SCARB2: variants seen among roughly 807,000 people sequenced by gnomAD.
SCARB2 encodes the protein scavenger receptor class B member 2.
In SCARB2, 29 loss-of-function variants were observed where a neutral mutation model predicts 58.6. The observed-to-expected ratio is 0.49, with a 90% CI of 0.37 to 0.67. SCARB2 has a LOEUF of 0.67. Among genes scored for constraint, SCARB2 ranks in the 30% least tolerant of loss-of-function variants. The probability of loss-of-function intolerance (pLI) is 0.00; values close to 1 mark genes in which losing one functional copy is unlikely to be tolerated. For missense variants in SCARB2, 488 were observed against 578.5 expected, an observed-to-expected ratio of 0.84 and a Z score of 1.60; for synonymous variants, 195 against 210.1, an observed-to-expected ratio of 0.93 and a Z score of 0.62.
At chr4:76,217,771 T>C, upstream of SCARB2, 1 of 424,940 alleles carries the variant, frequency 2.4e-6, no homozygotes, top group Middle Eastern at 3.0e-4. Flanking sequence ...GATCTCTCTA[T>C]ACCTAAAATC....
At position 76,161,754 on chromosome 4, in the gene SCARB2, G is replaced by C. The variant is rs747551967; in HGVS notation, c.1399-3C>G. ...GGTGCTCTTTCATCCGCTGTTCCCT[G>C]AAACACAGAAGAGAGAAAACAAGTT... On this transcript the variant is annotated splice_region_variant and splice_polypyrimidine_tract_variant and intron_variant, in intron 11 of 11. Coordinates refer to ENST00000264896, the MANE Select transcript of SCARB2 (RefSeq NM_005506.4). 1 of 1,614,098 alleles carries C rather than the reference G, an allele frequency of 6.2e-7. No homozygotes were observed. Among genetic ancestry groups the C allele is most frequent in the Non-Finnish European group, 8.5e-7 (1 of 1,179,984 alleles).
At chr4:76,202,521 A>G (rs1423785563) in intron 1 of SCARB2, among the ~76,000 whole-genome samples, 2 of 152,180 alleles carry the variant, frequency 1.3e-5, no homozygotes, top group Non-Finnish European at 2.9e-5. Flanking sequence ...TCAGCCTCCC[A>G]AAGTGTTGAG....
chr4:76,176,032 C>T (rs1732245335), intron 5 of SCARB2, 122 bp from the exon 6 acceptor site: 2 of 1,188,544 alleles, frequency 1.7e-6, no homozygotes, highest in Non-Finnish European at 2.4e-6. Flanking sequence ...TATTCATACA[C>T]AGACACAACA....
chr4:76,185,960 C>T (rs1025328929), intron 2 of SCARB2, among the ~76,000 whole-genome samples: 4 of 152,176 alleles, frequency 2.6e-5, no homozygotes, highest in Admixed American at 1.3e-4. Flanking sequence ...CCACATAAAT[C>T]CAGTTACAAC....
intron 10 of SCARB2, 56 bp downstream of exon 10, chr4:76,166,193 TA>T: frequency 6.6e-7 from 1 of 1,521,348 alleles, no homozygotes; most frequent in East Asian, 2.3e-5. Context: ...GTAGACATCA[TA>T]ATGGATTTTT....
upstream of SCARB2, chr4:76,214,048 G>A: frequency 3.0e-6 from 1 of 330,360 alleles, no homozygotes; most frequent in Non-Finnish European, 5.9e-6. Flanking sequence ...CCAGCGCCCT[G>A]CACCGCAGGC....
intron 1 of SCARB2, among the ~76,000 whole-genome samples, chr4:76,230,574 T>C (rs887509428): frequency 1.3e-5 from 2 of 152,206 alleles, no homozygotes; most frequent in African/African-American, 2.4e-5. Flanking sequence ...AGAGAGTTTA[T>C]GCCCAATAAA....
chr4:76,161,884 T>A (rs1300060839), intron 11 of SCARB2, 133 bp from the exon 12 acceptor site: 4 of 799,512 alleles, frequency 5.0e-6, no homozygotes, highest in Non-Finnish European at 8.5e-6. Flanking sequence ...CTCACTCACC[T>A]CCCCTCTTGG....
intron 1 of SCARB2, among the ~76,000 whole-genome samples, chr4:76,208,556 A>G (rs559141337): frequency 6.6e-6 from 1 of 152,344 alleles, no homozygotes; most frequent in East Asian, 1.9e-4. Flanking sequence ...CCGGATGAGT[A>G]CAGAGCCAGG....
intron 2 of SCARB2, among the ~76,000 whole-genome samples, chr4:76,190,378 G>A (rs569229946): frequency 6.6e-6 from 1 of 152,310 alleles, no homozygotes; most frequent in South Asian, 2.1e-4. Flanking sequence ...GGAGGAGACA[G>A]CATTTGCACT....
upstream of SCARB2, chr4:76,214,151 G>C (rs192416822): frequency 7.8e-5 from 35 of 448,180 alleles, no homozygotes; most frequent in African/African-American, 6.2e-4. Context: ...TGGGCCACGC[G>C]CTGGGGATTC....
At chr4:76,208,189 G>A (rs139350433) in intron 1 of SCARB2, among the ~76,000 whole-genome samples, 1 of 152,270 alleles carries the variant, frequency 6.6e-6, no homozygotes, top group African/African-American at 2.4e-5. Flanking sequence ...GCATCTCCTA[G>A]AGTCTAGGGG....
At chr4:76,227,551 G>C (rs949935455) in intron 1 of SCARB2, among the ~76,000 whole-genome samples, 1 of 152,046 alleles carries the variant, frequency 6.6e-6, no homozygotes, top group Non-Finnish European at 1.5e-5. Flanking sequence ...TATCTATCTG[G>C]GGTATAGTTT....
intron 2 of SCARB2, among the ~76,000 whole-genome samples, chr4:76,182,351 T>C (rs1382904970): frequency 6.6e-6 from 1 of 152,238 alleles, no homozygotes; most frequent in Non-Finnish European, 1.5e-5. Context: ...TCAAAAACAG[T>C]GCCAACCTTT....
Position 76,163,076 on chromosome 4 carries a change from G to A in SCARB2, c.1398+149C>T, listed in dbSNP as rs536549569. The A allele has an allele frequency of 2.7e-5, 26 of 947,220 alleles. No individual in the cohort carries two copies. In the African/African-American group the frequency reaches 2.9e-4, roughly 11 times the overall value. The allele number at this position is 947,220 out of a possible 1,614,324, so 58.7% of individuals were successfully genotyped here. On this transcript the variant is annotated intron_variant, in intron 11 of 11. Coordinates refer to ENST00000264896, the MANE Select transcript of SCARB2 (RefSeq NM_005506.4). ...CTTCCTTTGCTTCCCATTTGGTCCA[G>A]CAGTAAAATAAGCACGAAATCACTA...
intron 2 of SCARB2, among the ~76,000 whole-genome samples, 153 bp from the exon 3 acceptor site, chr4:76,181,254 A>G (rs1732377921): frequency 6.6e-6 from 1 of 152,198 alleles, no homozygotes; most frequent in Admixed American, 6.5e-5. Flanking sequence ...AAAAAGCTGG[A>G]GATCGAAGCT....
chr4:76,207,115 A>T lies in SCARB2; in HGVS notation c.117+6312T>A, dbSNP rs1732945613. The stretch of plus-strand genomic sequence containing the variant: ...TGGGGAGCCCGAAGACCTTCTTAGG[A>T]GGCGCCCACAAGGTCAAAACTATTT... On this transcript the variant is annotated intron_variant, in intron 1 of 11. Coordinates refer to ENST00000264896, the MANE Select transcript of SCARB2 (RefSeq NM_005506.4). Among the ~76,000 whole-genome samples, 6 of 152,328 alleles carry T rather than the reference A, an allele frequency of 3.9e-5. No homozygotes were observed. The South Asian group carries it at 1.2e-3, about 32-fold the overall frequency.
intron 1 of SCARB2, among the ~76,000 whole-genome samples, chr4:76,219,563 G>A (rs2109978782): frequency 6.6e-6 from 1 of 152,242 alleles, no homozygotes; most frequent in Non-Finnish European, 1.5e-5. Context: ...GTGTTCCATG[G>A]GGAGAAGCTG....
chr4:76,166,130 C>T, intron 10 of SCARB2, 120 bp downstream of exon 10: 1 of 962,018 alleles, frequency 1.0e-6, no homozygotes, highest in Non-Finnish European at 1.7e-6. Context: ...TGAGGAATAA[C>T]AGGTTTTAAA....
Sources: gnomAD v4.1 joint callset for allele counts (sites outside exome capture counted in the v4.1 genomes callset) on GRCh38, gnomAD v4.1.1 for gene constraint, MANE v1.5 for transcripts, NCBI Gene and HGNC (gene_info 2026-07-23, HGNC 2026-07-21) for gene names.